The following PAAF1 variants were observed in gnomAD, a reference collection of about 807,000 sequenced individuals.
PAAF1 encodes proteasomal ATPase-associated factor 1.
Under a neutral mutation model 52.8 loss-of-function variants are expected in PAAF1, and 46 were observed. The observed-to-expected ratio is 0.87, with a 90% CI of 0.69 to 1.11. The LOEUF (loss-of-function observed/expected upper bound fraction) is 1.11. Ranked by LOEUF, PAAF1 falls within the 50% of genes most tolerant of loss-of-function variation. PAAF1 has a pLI of 0.00. For missense variants in PAAF1, 424 were observed against 477.4 expected (o/e 0.89, Z 1.04); for synonymous variants, 178 against 172.8 (o/e 1.03, Z -0.24).
intron 7 of PAAF1, 94 bp downstream of exon 7, chr11:73,909,687 C>A: frequency 8.9e-7 from 1 of 1,121,108 alleles, no homozygotes; most frequent in Non-Finnish European, 1.3e-6. Flanking sequence ...TCCTTTTCTG[C>A]TCTGTGCCTG....
intron 11 of PAAF1, 39 bp from the exon 12 acceptor site, chr11:73,927,246 T>TCC (rs779028916): frequency 5.3e-6 from 8 of 1,506,768 alleles, no homozygotes; most frequent in Non-Finnish European, 7.4e-6. Context: ...AATGGAAGAA[T>TCC]CCCAGGCTTC....
intron 4 of PAAF1, among the ~76,000 whole-genome samples, chr11:73,893,392 C>A (rs973129627): frequency 6.6e-6 from 1 of 151,872 alleles, no homozygotes; most frequent in Non-Finnish European, 1.5e-5. Flanking sequence ...TTAATTAAAT[C>A]TTATGTTAAA....
chr11:73,909,628 T>C (rs1236439923), intron 7 of PAAF1, 35 bp downstream of exon 7: 1 of 1,591,742 alleles, frequency 6.3e-7, no homozygotes, highest in Admixed American at 1.7e-5. Context: ...TTGTTTTATT[T>C]TCTTAGGCCC....
chr11:73,894,167 G>A (rs539420373), intron 4 of PAAF1, among the ~76,000 whole-genome samples: 101 of 152,260 alleles, frequency 6.6e-4, no homozygotes, highest in African/African-American at 1.6e-3. Flanking sequence ...CCTCTTGGGA[G>A]AGTTGGGAAT....
At chr11:73,921,802 C>G in intron 10 of PAAF1, 1 of 1,161,136 alleles carries the variant, frequency 8.6e-7, no homozygotes, top group Non-Finnish European at 1.3e-6. Flanking sequence ...TAAATAGGCC[C>G]TCATCACTTC....
chr11:73,927,670 C>T lies in PAAF1; in HGVS notation c.*308C>T. The T allele has an allele frequency of 2.6e-6, 1 of 391,502 alleles. No individual in the cohort carries two copies. The highest frequency in any genetic ancestry group is 3.8e-5 in the South Asian group (1 of 26,498). The allele number at this position is 391,502 out of a possible 1,614,324, so 24.3% of individuals were successfully genotyped here. A position where few individuals can be genotyped will look rare whatever the true frequency, so the allele number is the denominator to read the frequency against. On this transcript the variant is annotated 3_prime_UTR_variant, in exon 12 of 12. Coordinates refer to ENST00000310571, the MANE Select transcript of PAAF1 (RefSeq NM_025155.3). ...TTAAACCAGTTTTGTTAAATGTTTACAAGGACCTCAGTACTAAAGCCTGTT... is the reference window on the plus strand; with the variant it reads ...TTAAACCAGTTTTGTTAAATGTTTATAAGGACCTCAGTACTAAAGCCTGTT...
intron 2 of PAAF1, among the ~76,000 whole-genome samples, chr11:73,881,656 G>A (rs1948911856): frequency 6.6e-6 from 1 of 152,064 alleles, no homozygotes; most frequent in Admixed American, 6.6e-5. Context: ...TGTTGTTGTT[G>A]TTGTTTTAAA....
At position 73,896,202 on chromosome 11, in the gene PAAF1, A is replaced by G. The variant is rs1486471762; in HGVS notation, c.283-2944A>G. ...TTTATTCTGAAAGATCTATATCTGT[A>G]TATTTTCTATAGCTATACCTATATA... On this transcript the variant is annotated intron_variant, in intron 4 of 11. Transcript: ENST00000310571. 4.7e-5 allele frequency among the ~76,000 whole-genome samples: 7 copies of G among 149,070 alleles called. No individual in the cohort carries two copies. The East Asian group carries it at 1.4e-3, about 29-fold the overall frequency.
chr11:73,927,272 T>C lies in PAAF1; in HGVS notation c.1102-13T>C. On this transcript the variant is annotated splice_polypyrimidine_tract_variant and intron_variant, in intron 11 of 11. Transcript: ENST00000310571. ...CCCAGGCTTCCTTTGAACTGTGAAT[T>C]CTTGTGTTTTAGGTAGCCACATGGG... is the stretch of plus-strand genomic sequence containing the variant. 1 of 1,608,736 alleles carries C rather than the reference T, an allele frequency of 6.2e-7. No homozygotes were observed. Among genetic ancestry groups the C allele is most frequent in the East Asian group, 2.2e-5 (1 of 44,852 alleles).
Position 73,927,495 on chromosome 11 carries a change from A to G in PAAF1, c.*133A>G. 1.3e-6 allele frequency: 1 copy of G among 746,878 alleles called. No homozygotes were observed. The highest frequency in any genetic ancestry group is 2.3e-6 in the Non-Finnish European group (1 of 439,390). The allele number at this position is 746,878 out of a possible 1,614,324, so 46.3% of individuals were successfully genotyped here. ...CACCCCTTGGAAATCACAGAAAGTC[A>G]GCTGTACTGGCCGTGTGGAACTCTC... On this transcript the variant is annotated 3_prime_UTR_variant, in exon 12 of 12. Coordinates refer to ENST00000310571, the MANE Select transcript of PAAF1 (RefSeq NM_025155.3).
chr11:73,903,723 A>T (rs1428596869), intron 6 of PAAF1, among the ~76,000 whole-genome samples: 5 of 151,818 alleles, frequency 3.3e-5, no homozygotes, highest in Admixed American at 6.6e-5. Context: ...CTTCAAAAAA[A>T]AAAAAAATCT....
chr11:73,922,909 A>G (rs967065481), intron 10 of PAAF1, among the ~76,000 whole-genome samples: 1 of 152,152 alleles, frequency 6.6e-6, no homozygotes, highest in African/African-American at 2.4e-5. Flanking sequence ...AAGTTGCCAG[A>G]TGAAACAAAA....
At position 73,916,631 on chromosome 11, in the gene PAAF1, CATTT is replaced by C; in HGVS notation, c.909_912del (p.Tyr304SerfsTer4). 1 of 1,613,956 alleles carries C rather than the reference CATTT, an allele frequency of 6.2e-7. No homozygotes were observed. The highest frequency in any genetic ancestry group is 1.1e-5 in the South Asian group (1 of 91,078). ...TATTGGCTGGGACTCAAGATGGAAA[CATTT>C]ATCAGCTGGATGTGAGGAGTCCAAG... is the stretch of plus-strand genomic sequence containing the variant. On this transcript the variant is annotated frameshift_variant, in exon 9 of 12. Transcript: ENST00000310571. LOFTEE classifies it high-confidence loss of function.
In PAAF1 at chr11:73,919,322, G is replaced by A. The variant is rs148061252; in HGVS notation, c.1018+290G>A. Among the ~76,000 whole-genome samples, 5 of 152,320 alleles carry A rather than the reference G, an allele frequency of 3.3e-5. No individual in the cohort carries two copies. In the South Asian group the frequency reaches 6.2e-4, roughly 19 times the overall value. On this transcript the variant is annotated intron_variant, in intron 10 of 11. Coordinates refer to ENST00000310571, the MANE Select transcript of PAAF1 (RefSeq NM_025155.3). The stretch of plus-strand genomic sequence containing the variant: ...GGAGCTCACAGTAAGGCAGACAGAC[G>A]TGTGAACATTTGATTGCAGTCCAGT...
chr11:73,909,365 T>A, intron 6 of PAAF1, 34 bp from the exon 7 acceptor site: 2 of 1,603,798 alleles, frequency 1.2e-6, no homozygotes, highest in Non-Finnish European at 1.7e-6. Context: ...CTTTACTCCA[T>A]CCTCCATCTT....
intron 4 of PAAF1, 49 bp from the exon 5 acceptor site, chr11:73,899,097 A>G (rs1459751879): frequency 1.4e-6 from 2 of 1,408,294 alleles, no homozygotes; most frequent in South Asian, 1.2e-5. Flanking sequence ...TCAAGGGAAT[A>G]AGAGTATTTC....
intron 7 of PAAF1, 46 bp downstream of exon 7, chr11:73,909,639 C>G (rs1248442831): frequency 6.4e-7 from 1 of 1,563,226 alleles, no homozygotes. Context: ...TCTTAGGCCC[C>G]CTTCAGTGAT....
intron 2 of PAAF1, among the ~76,000 whole-genome samples, chr11:73,882,777 G>A (rs1019571917): frequency 2.6e-5 from 4 of 152,058 alleles, no homozygotes; most frequent in African/African-American, 9.7e-5. Context: ...TAATTTTTTT[G>A]TATTTTTAGT....
intron 6 of PAAF1, among the ~76,000 whole-genome samples, chr11:73,903,445 T>G (rs12795932): frequency 0.057 from 8,609 of 152,240 alleles, 272 homozygotes; most frequent in Middle Eastern, 0.099. Flanking sequence ...GTCCGGGCAC[T>G]GTGGCTCATG....
Sources: gnomAD v4.1 joint callset for allele counts (sites outside exome capture counted in the v4.1 genomes callset) on GRCh38, gnomAD v4.1.1 for gene constraint, MANE v1.5 for transcripts, NCBI Gene and HGNC (gene_info 2026-07-23, HGNC 2026-07-21) for gene names.